CD5: variants seen among roughly 807,000 people sequenced by gnomAD.
CD5 encodes T-cell surface glycoprotein CD5.
In CD5, 36 loss-of-function variants were observed where a neutral mutation model predicts 60.3. That is an observed-to-expected ratio of 0.60 (90% CI 0.46 to 0.79). The LOEUF (loss-of-function observed/expected upper bound fraction) is 0.79. Ranked by LOEUF, CD5 falls within the 30% of genes least tolerant of loss-of-function variation. CD5 has a pLI of 0.00. For missense variants in CD5, 540 were observed against 630.6 expected (o/e 0.86, Z 1.54); for synonymous variants, 230 against 257.6 (o/e 0.89, Z 1.03).
chr11:61,114,834 G>A (rs1201593802), intron 1 of CD5, among the ~76,000 whole-genome samples: 12 of 151,862 alleles, frequency 7.9e-5, no homozygotes, highest in South Asian at 2.1e-4. Flanking sequence ...TAAAAGTAAC[G>A]TTTTTTAAGA....
Position 61,121,642 on chromosome 11 carries a change from G to C in CD5, c.837G>C (p.Val279=), listed in dbSNP as rs764697831. The C allele has an allele frequency of 6.5e-7, 1 of 1,536,920 alleles. No homozygotes were observed. The highest frequency in any genetic ancestry group is 1.2e-5 in the South Asian group (1 of 81,876). ...AGCCCAAGGTGCAGAGCCGTCTGGT[G>C]GGGGGCAGCAGCATCTGTGAAGGCA... ...GFQPKVQSRL[V]GGSSICEGTV... is the part of the protein sequence containing the mutation. Residue 279 remains valine, a synonymous_variant, in exon 6 of 11, where the codon GTG becomes GTC. Transcript: ENST00000347785.
chr11:61,101,460 A>G (rs1248358901), upstream of CD5, among the ~76,000 whole-genome samples: 1 of 151,348 alleles, frequency 6.6e-6, no homozygotes, highest in East Asian at 2.0e-4. Flanking sequence ...ACACACAAAC[A>G]TGGAGATCAC....
chr11:61,123,642 G>A lies in CD5; in HGVS notation c.1226-242G>A, dbSNP rs563335421. 1.5e-4 allele frequency among the ~76,000 whole-genome samples: 23 copies of A among 152,130 alleles called. No individual in the cohort carries two copies. The East Asian group carries it at 1.7e-3, about 12-fold the overall frequency. On this transcript the variant is annotated intron_variant, in intron 7 of 10. Coordinates refer to ENST00000347785, the MANE Select transcript of CD5 (RefSeq NM_014207.4). ...CTGTGGTCTTTTCTCCTGGGGAGCC[G>A]GGCACCTCTACACCATCCTCGGCCT...
chr11:61,104,117 A>T, intron 1 of CD5, among the ~76,000 whole-genome samples: 2 of 138,990 alleles, frequency 1.4e-5, no homozygotes, highest in Non-Finnish European at 1.6e-5. Flanking sequence ...GTGTGGGGGG[A>T]ATGTGTGAGT....
chr11:61,124,000 C>A (rs1861110517), intron 8 of CD5, 63 bp downstream of exon 8: 4 of 1,312,260 alleles, frequency 3.0e-6, no homozygotes, highest in African/African-American at 2.9e-5. Context: ...GAGGCAGAGT[C>A]GAGGCTCTCT....
chr11:61,118,093 G>A lies in CD5; in HGVS notation c.95-82G>A, dbSNP rs1860990379. The A allele has an allele frequency of 9.1e-6, 13 of 1,434,806 alleles. No homozygotes were observed. Among genetic ancestry groups the A allele is most frequent in the Non-Finnish European group, 1.2e-5 (13 of 1,044,004 alleles). 88.9% of individuals were successfully genotyped at this position (1,434,806 alleles called of 1,614,324 possible). A position where few individuals can be genotyped will look rare whatever the true frequency, so the allele number is the denominator to read the frequency against. On this transcript the variant is annotated intron_variant, in intron 2 of 10. Transcript: ENST00000347785. This position sits in a 1 kb window ranked among gnomAD's most constrained non-coding sequence, Gnocchi z 4.7. ...ACGGGGCAGGAGGGAGCTCAACTGG[G>A]CGTCCTAGGGAGAGGGCAGTGAGGG...
At chr11:61,094,944 T>C in the CD5 span, among the ~76,000 whole-genome samples, 4 of 152,106 alleles carry the variant, frequency 2.6e-5, no homozygotes, top group Non-Finnish European at 5.9e-5. Context: ...AGATCAGTTC[T>C]CACATATAGA....
chr11:61,118,815 G>T lies in CD5; in HGVS notation c.401-100G>T. 1.2e-6 allele frequency: 1 copy of T among 802,252 alleles called. No individual in the cohort carries two copies. Among genetic ancestry groups the T allele is most frequent in the Non-Finnish European group, 2.1e-6 (1 of 479,138 alleles). 49.7% of individuals were successfully genotyped at this position (802,252 alleles called of 1,614,324 possible). A position where few individuals can be genotyped will look rare whatever the true frequency, so the allele number is the denominator to read the frequency against. Reference sequence around the variant, plus strand: ...GTCAAGTGGACCTGGTGTGCCAAGCGGCACTCATGCCAGGAGCTCCTGGTC... The same window carrying T: ...GTCAAGTGGACCTGGTGTGCCAAGCTGCACTCATGCCAGGAGCTCCTGGTC... On this transcript the variant is annotated intron_variant, in intron 3 of 10. Coordinates refer to ENST00000347785, the MANE Select transcript of CD5 (RefSeq NM_014207.4). The surrounding 1 kb of genome is among the most constrained non-coding windows in gnomAD (Gnocchi z 4.7).
intron 5 of CD5, among the ~76,000 whole-genome samples, chr11:61,120,472 C>T (rs992228272): frequency 1.3e-5 from 2 of 152,114 alleles, no homozygotes; most frequent in African/African-American, 4.8e-5. Flanking sequence ...CTAAACCTCT[C>T]GCCCAGTACT....
At position 61,121,670 on chromosome 11, in the gene CD5, G is replaced by A. The variant is rs201487115; in HGVS notation, c.865G>A (p.Val289Met). The part of the protein sequence containing the change: ...VGGSSICEGT[V>M]EVRQGAQWAA... ...GGGCAGCAGCATCTGTGAAGGCACC[G>A]TGGAGGTGCGCCAGGGGGCTCAGTG... The change falls in exon 6 of 11, where the codon GTG becomes ATG. Residue 289 changes from valine (V) to methionine (M), a missense_variant. Transcript: ENST00000347785. 10 of 1,581,280 alleles carry A rather than the reference G, an allele frequency of 6.3e-6. No homozygotes were observed. Among genetic ancestry groups the A allele is most frequent in the Admixed American group, 3.4e-5 (2 of 58,616 alleles).
intron 6 of CD5, among the ~76,000 whole-genome samples, chr11:61,122,622 C>T (rs1158783454): frequency 2.6e-5 from 4 of 152,042 alleles, no homozygotes; most frequent in African/African-American, 9.7e-5. Flanking sequence ...AAGGTGATCA[C>T]TAATAACTGG....
In CD5 at chr11:61,102,602, G is replaced by A. The variant is rs1417767457; in HGVS notation, c.42G>A (p.Leu14=). The A allele has an allele frequency of 1.3e-6, 2 of 1,589,954 alleles. No individual in the cohort carries two copies. The highest frequency in any genetic ancestry group is 1.7e-6 in the Non-Finnish European group (2 of 1,167,670). ...GSLQPLATLY[L]LGMLVASCLG... is the part of the protein sequence containing the mutation. ...TGCAACCGCTGGCCACCTTGTACCTGCTGGGGATGCTGGGTGAGTACCCCT... is the reference window on the plus strand; with the variant it reads ...TGCAACCGCTGGCCACCTTGTACCTACTGGGGATGCTGGGTGAGTACCCCT... The change falls in exon 1 of 11, where the codon CTG becomes CTA. Residue 14 remains leucine (L), a synonymous_variant. Coordinates refer to ENST00000347785, the MANE Select transcript of CD5 (RefSeq NM_014207.4).
intron 1 of CD5, among the ~76,000 whole-genome samples, chr11:61,109,907 G>A (rs1261826087): frequency 6.6e-6 from 1 of 152,122 alleles, no homozygotes; most frequent in African/African-American, 2.4e-5. Context: ...GGTGGCTGGC[G>A]GATAAGGAAA....
At chr11:61,102,777 C>T (rs921748093) in intron 1 of CD5, among the ~76,000 whole-genome samples, 162 bp downstream of exon 1, 8 of 152,206 alleles carry the variant, frequency 5.3e-5, no homozygotes, top group Non-Finnish European at 8.8e-5. Flanking sequence ...CCCCACTAAG[C>T]CGCAGCTTGG....
chr11:61,116,657 C>CA (rs1860961758), intron 2 of CD5, among the ~76,000 whole-genome samples: 1 of 138,518 alleles, frequency 7.2e-6, no homozygotes, highest in African/African-American at 2.9e-5. Flanking sequence ...CCCACACACA[C>CA]CACACACACC....
upstream of CD5, among the ~76,000 whole-genome samples, chr11:61,098,334 G>A (rs1212897397): frequency 1.3e-5 from 2 of 152,180 alleles, no homozygotes; most frequent in East Asian, 3.8e-4. Context: ...AGAAGACATG[G>A]TAGTGAAAAT....
In CD5 at chr11:61,112,965, G is replaced by T. The variant is rs577334427; in HGVS notation, c.56-2091G>T. On this transcript the variant is annotated intron_variant, in intron 1 of 10. Transcript: ENST00000347785. ...AGCACACCTATTTTTTAAGAGACGGGGTCTTGCTATGTTGTCCAGGCTGGA... is the reference window on the plus strand; with the variant it reads ...AGCACACCTATTTTTTAAGAGACGGTGTCTTGCTATGTTGTCCAGGCTGGA... Among the ~76,000 whole-genome samples the T allele has an allele frequency of 4.6e-5, 7 of 152,308 alleles. 1 individual carries two copies. The South Asian group carries it at 1.5e-3, about 32-fold the overall frequency.
At chr11:61,125,308 A>G (rs1384838615) in intron 9 of CD5, among the ~76,000 whole-genome samples, 157 bp downstream of exon 9, 1 of 152,180 alleles carries the variant, frequency 6.6e-6, no homozygotes, top group East Asian at 1.9e-4. Context: ...CAGCAGGGGT[A>G]CGGAAGGGAT....
At chr11:61,122,854 C>A in intron 6 of CD5, 53 bp from the exon 7 acceptor site, 1 of 1,539,320 alleles carries the variant, frequency 6.5e-7, no homozygotes, top group South Asian at 1.2e-5. Context: ...TTCCCTCCCA[C>A]AGTTTTTCTC....
Sources: allele counts gnomAD v4.1 joint callset (sites outside exome capture counted in the v4.1 genomes callset), GRCh38; gene constraint gnomAD v4.1.1; non-coding constraint Gnocchi (gnomAD v3.1); transcripts MANE v1.5; gene names NCBI Gene and HGNC (gene_info 2026-07-23, HGNC 2026-07-21).